Variants in CPA6 observed in about 807,000 individuals in gnomAD.
CPA6 encodes carboxypeptidase A6.
Under a neutral mutation model 63.3 loss-of-function variants are expected in CPA6, and 58 were observed. The observed-to-expected ratio is 0.92, with a 90% CI of 0.74 to 1.14. The LOEUF (loss-of-function observed/expected upper bound fraction) is 1.14. CPA6 is among the 50% of genes most tolerant of loss of function. The probability of loss-of-function intolerance (pLI) is 0.00; values close to 1 mark genes in which losing one functional copy is unlikely to be tolerated. For missense variants in CPA6, 565 were observed against 526.6 expected (o/e 1.07, Z -0.71); for synonymous variants, 185 against 179.0 (o/e 1.03, Z -0.27).
intron 1 of CPA6, among the ~76,000 whole-genome samples, chr8:67,692,233 G>T (rs528051448): frequency 2.6e-5 from 4 of 152,058 alleles, no homozygotes; most frequent in Non-Finnish European, 5.9e-5. Flanking sequence ...CTACTCGGGT[G>T]GCTGAGGCAG....
intron 2 of CPA6, among the ~76,000 whole-genome samples, chr8:67,621,108 A>T (rs1453709395): frequency 1.3e-5 from 2 of 152,306 alleles, no homozygotes; most frequent in East Asian, 3.9e-4. Context: ...CTGGTAGACA[A>T]CACTGCATGT....
chr8:67,688,998 T>TTTTTTTTTTTTTTTTTTTTTTTG (rs530035160), intron 1 of CPA6, among the ~76,000 whole-genome samples: 1 of 151,132 alleles, frequency 6.6e-6, no homozygotes, highest in African/African-American at 2.5e-5. Flanking sequence ...TATTATTTTT[T>TTTTTTTTTTTTTTTTTTTTTTTG]AGATGGAGTC....
intron 2 of CPA6, among the ~76,000 whole-genome samples, chr8:67,538,165 A>G (rs781613517): frequency 1.1e-4 from 17 of 152,346 alleles, no homozygotes; most frequent in South Asian, 4.1e-4. Flanking sequence ...TATTCTGTCA[A>G]TTCATGGTGG....
At chr8:67,450,140 A>G (rs1238426605) in intron 8 of CPA6, among the ~76,000 whole-genome samples, 1 of 152,078 alleles carries the variant, frequency 6.6e-6, no homozygotes, top group African/African-American at 2.4e-5. Flanking sequence ...TTTAAATTTC[A>G]TTTTGGAGGC....
intron 2 of CPA6, among the ~76,000 whole-genome samples, chr8:67,578,487 G>C (rs1202769292): frequency 1.3e-5 from 2 of 152,132 alleles, no homozygotes; most frequent in African/African-American, 4.8e-5. Flanking sequence ...CACGGTACCA[G>C]TGCAGCACCA....
chr8:67,430,133 G>GTA (rs1293508992), intron 9 of CPA6, among the ~76,000 whole-genome samples: 3 of 26,876 alleles, frequency 1.1e-4, no homozygotes, highest in Non-Finnish European at 1.9e-4. Flanking sequence ...ATATATATAT[G>GTA]TGTGTGTGTG....
At chr8:67,476,385 A>T (rs1811238146) in intron 8 of CPA6, among the ~76,000 whole-genome samples, 1 of 152,170 alleles carries the variant, frequency 6.6e-6, no homozygotes, top group South Asian at 2.1e-4. Context: ...TGGGAAAGAA[A>T]AAGGTCTTCC....
chr8:67,590,863 T>C (rs1253643643), intron 2 of CPA6, among the ~76,000 whole-genome samples: 3 of 152,008 alleles, frequency 2.0e-5, no homozygotes, highest in Non-Finnish European at 2.9e-5. Context: ...GTAGTTTCTT[T>C]TCCTGTGCAG....
chr8:67,686,915 C>T (rs1209486012), intron 1 of CPA6, among the ~76,000 whole-genome samples: 3 of 152,126 alleles, frequency 2.0e-5, no homozygotes, highest in African/African-American at 7.2e-5. Flanking sequence ...AGTTCAGAAA[C>T]AGAATTCTCA....
chr8:67,597,347 C>T (rs987771371), intron 2 of CPA6, among the ~76,000 whole-genome samples: 1 of 151,858 alleles, frequency 6.6e-6, no homozygotes, highest in Non-Finnish European at 1.5e-5. Flanking sequence ...TACAAGAGCA[C>T]ACAACCACAC....
intron 1 of CPA6, among the ~76,000 whole-genome samples, chr8:67,732,360 TGTTA>T (rs1817721582): frequency 1.3e-5 from 2 of 152,204 alleles, no homozygotes; most frequent in Non-Finnish European, 2.9e-5. Flanking sequence ...ATTCCTAGTT[TGTTA>T]GTTTCCTGTC....
chr8:67,663,029 G>A (rs893754365), intron 1 of CPA6, among the ~76,000 whole-genome samples: 6 of 152,276 alleles, frequency 3.9e-5, no homozygotes, highest in African/African-American at 1.4e-4. Flanking sequence ...TGGTGACAGA[G>A]CCCATTTCCT....
At chr8:67,592,372 A>G (rs188409126) in intron 2 of CPA6, among the ~76,000 whole-genome samples, 3,447 of 152,178 alleles carry the variant, frequency 0.023, 65 homozygotes, top group African/African-American at 0.051. Context: ...TCTCTGCCAC[A>G]CTTTGGTATC....
chr8:67,456,965 C>T (rs1244216381), intron 8 of CPA6, among the ~76,000 whole-genome samples: 1 of 152,186 alleles, frequency 6.6e-6, no homozygotes, highest in Non-Finnish European at 1.5e-5. Context: ...ATAGCGGCCT[C>T]TAGGAGCTGG....
At chr8:67,488,032 G>C (rs923160669) in intron 6 of CPA6, among the ~76,000 whole-genome samples, 5 of 152,096 alleles carry the variant, frequency 3.3e-5, no homozygotes, top group Non-Finnish European at 5.9e-5. Flanking sequence ...AGTTTCTTTT[G>C]CTGTGCAGAA....
intron 2 of CPA6, among the ~76,000 whole-genome samples, chr8:67,549,949 G>A (rs148499085): frequency 6.6e-6 from 1 of 152,314 alleles, no homozygotes; most frequent in African/African-American, 2.4e-5. Context: ...CATGAATACA[G>A]GAGTGCAAGT....
intron 1 of CPA6, among the ~76,000 whole-genome samples, chr8:67,655,472 C>G (rs1815962474): frequency 6.6e-6 from 1 of 152,114 alleles, no homozygotes; most frequent in Admixed American, 6.6e-5. Flanking sequence ...CTATGTCCTT[C>G]TTGAGATTAA....
intron 1 of CPA6, among the ~76,000 whole-genome samples, chr8:67,708,899 G>A (rs1467535635): frequency 6.6e-6 from 1 of 152,130 alleles, no homozygotes; most frequent in Non-Finnish European, 1.5e-5. Flanking sequence ...TCAGGAGATG[G>A]TCAGGTGGTT....
chr8:67,524,686 T>C (rs1451214949), intron 2 of CPA6, among the ~76,000 whole-genome samples: 1 of 152,062 alleles, frequency 6.6e-6, no homozygotes, highest in East Asian at 1.9e-4. Flanking sequence ...CATACCTTTT[T>C]TGAGGACACC....
Sources: allele counts gnomAD v4.1 joint callset (sites outside exome capture counted in the v4.1 genomes callset), GRCh38; gene constraint gnomAD v4.1.1; transcripts MANE v1.5; gene names NCBI Gene and HGNC (gene_info 2026-07-23, HGNC 2026-07-21).